PTPRG: variants seen among roughly 807,000 people sequenced by gnomAD.
The protein encoded by PTPRG is receptor-type tyrosine-protein phosphatase gamma.
PTPRG carries 102 observed loss-of-function variants against 165.3 expected under a neutral mutation model. That is an observed-to-expected ratio of 0.62 (90% CI 0.53 to 0.73). The LOEUF (loss-of-function observed/expected upper bound fraction) is 0.73. Among genes scored for constraint, PTPRG ranks in the 30% least tolerant of loss-of-function variants. The pLI is 0.00. For missense variants in PTPRG, 1,866 were observed against 1,861.4 expected, an observed-to-expected ratio of 1.00 and a Z score of -0.05; for synonymous variants, 675 against 669.5, an observed-to-expected ratio of 1.01 and a Z score of -0.13.
chr3:62,084,630 A>C (rs539575367), intron 5 of PTPRG, among the ~76,000 whole-genome samples: 29 of 152,312 alleles, frequency 1.9e-4, no homozygotes, highest in African/African-American at 6.7e-4. Flanking sequence ...ATAGACATTG[A>C]GAAGGCAGGA....
intron 6 of PTPRG, among the ~76,000 whole-genome samples, chr3:62,142,064 A>C (rs549138851): frequency 6.6e-6 from 1 of 150,802 alleles, no homozygotes; most frequent in Admixed American, 6.7e-5. Context: ...TGGCCCACTC[A>C]ACAATATGAG....
chr3:61,964,884 G>T (rs1288541535), intron 2 of PTPRG, among the ~76,000 whole-genome samples: 2 of 151,948 alleles, frequency 1.3e-5, no homozygotes, highest in African/African-American at 2.4e-5. Flanking sequence ...GTCTAGATTA[G>T]TATCTCTTTG....
intron 14 of PTPRG, among the ~76,000 whole-genome samples, chr3:62,236,085 G>A (rs761215855): frequency 1.3e-5 from 2 of 152,210 alleles, no homozygotes; most frequent in Non-Finnish European, 2.9e-5. Flanking sequence ...GATACTACAA[G>A]TGTAAACTGA....
intron 2 of PTPRG, among the ~76,000 whole-genome samples, chr3:61,958,234 C>G (rs2040077969): frequency 2.0e-5 from 3 of 152,074 alleles, no homozygotes; most frequent in African/African-American, 7.2e-5. Flanking sequence ...TCAAACGTTT[C>G]TCCTGTCTCA....
intron 2 of PTPRG, among the ~76,000 whole-genome samples, chr3:61,798,282 C>G (rs1477291411): frequency 2.0e-5 from 3 of 152,074 alleles, no homozygotes; most frequent in African/African-American, 7.2e-5. Flanking sequence ...GCTAAAATAC[C>G]AACTCAGCAT....
At chr3:61,668,532 C>T (rs535309993) in intron 1 of PTPRG, among the ~76,000 whole-genome samples, 9 of 152,206 alleles carry the variant, frequency 5.9e-5, no homozygotes, top group Admixed American at 3.3e-4. Flanking sequence ...GTGTGGGTGG[C>T]GCCTTATAAC....
chr3:62,145,539 AGATGATGAT>A (rs148115531), intron 6 of PTPRG, among the ~76,000 whole-genome samples: 4 of 151,956 alleles, frequency 2.6e-5, no homozygotes, highest in South Asian at 2.1e-4. Context: ...GAAATGATGA[AGATGATGAT>A]GATGATGATG....
intron 1 of PTPRG, among the ~76,000 whole-genome samples, chr3:61,585,341 A>G (rs979399964): frequency 1.4e-4 from 22 of 151,872 alleles, no homozygotes; most frequent in African/African-American, 5.3e-4. Context: ...TCATATAGGT[A>G]CGTGGAGGAA....
intron 5 of PTPRG, among the ~76,000 whole-genome samples, chr3:62,110,641 A>G (rs776056503): frequency 3.3e-5 from 5 of 152,188 alleles, no homozygotes; most frequent in African/African-American, 4.8e-5. Context: ...GGCAGCATAC[A>G]GTCCCATTAG....
chr3:61,670,199 T>C (rs562917671), intron 1 of PTPRG, among the ~76,000 whole-genome samples: 55 of 152,338 alleles, frequency 3.6e-4, no homozygotes, highest in South Asian at 1.5e-3. Context: ...TTGAATTGCA[T>C]TGGGACTCAG....
Position 61,665,374 on chromosome 3 carries a change from C to T in PTPRG, c.86-83504C>T, listed in dbSNP as rs189432447. ...CAATGATTTTTTTATAGCGATATGG[C>T]AATGTTTTATGGAGGCTCAGAGTTA... On this transcript the variant is annotated intron_variant, in intron 1 of 29. Coordinates refer to ENST00000474889, the MANE Select transcript of PTPRG (RefSeq NM_002841.4). 3.8e-3 allele frequency among the ~76,000 whole-genome samples: 576 copies of T among 151,774 alleles called. 5 individuals carry two copies. Among genetic ancestry groups the T allele is most frequent in the South Asian group, 0.013 (61 of 4,806 alleles).
At chr3:61,973,282 C>G (rs572535119) in intron 2 of PTPRG, among the ~76,000 whole-genome samples, 1 of 152,290 alleles carries the variant, frequency 6.6e-6, no homozygotes, top group Non-Finnish European at 1.5e-5. Context: ...CAACTAGGAT[C>G]CAGCTGTTTT....
At chr3:61,696,544 G>A (rs1456805896) in intron 1 of PTPRG, among the ~76,000 whole-genome samples, 2 of 152,188 alleles carry the variant, frequency 1.3e-5, no homozygotes, top group South Asian at 4.1e-4. Flanking sequence ...ATGCTTATTT[G>A]CAATGTGAGC....
In PTPRG at chr3:61,735,029, C is replaced by T. The variant is rs7636629; in HGVS notation, c.86-13849C>T. On this transcript the variant is annotated intron_variant, in intron 1 of 29. Coordinates refer to ENST00000474889, the MANE Select transcript of PTPRG (RefSeq NM_002841.4). ...AGCCAAAAAAGAGAAAGGAAACAAA[C>T]CCCACTTTTTTAATAGCTGCAGTTT... Among the ~76,000 whole-genome samples, 1,118 of 152,238 alleles carry T rather than the reference C, an allele frequency of 7.3e-3. 10 individuals are homozygous for T. Among genetic ancestry groups the T allele is most frequent in the African/African-American group, 0.025 (1,031 of 41,532 alleles).
chr3:61,821,660 GAA>G (rs969648656), intron 2 of PTPRG, among the ~76,000 whole-genome samples: 2 of 152,190 alleles, frequency 1.3e-5, no homozygotes, highest in African/African-American at 4.8e-5. Flanking sequence ...AGAGGCAAAA[GAA>G]GAGGGGAAAT....
chr3:61,706,803 T>A (rs1385194910), intron 1 of PTPRG, among the ~76,000 whole-genome samples: 1 of 152,100 alleles, frequency 6.6e-6, no homozygotes, highest in Non-Finnish European at 1.5e-5. Flanking sequence ...ATTATTATTA[T>A]TATTATTTTT....
At chr3:62,109,005 C>T (rs1171304419) in intron 5 of PTPRG, among the ~76,000 whole-genome samples, 2 of 151,904 alleles carry the variant, frequency 1.3e-5, no homozygotes, top group African/African-American at 4.8e-5. Context: ...GCCTGTTCAC[C>T]CTGATGATAG....
At chr3:62,054,147 C>T (rs537239866) in intron 4 of PTPRG, among the ~76,000 whole-genome samples, 1 of 152,250 alleles carries the variant, frequency 6.6e-6, no homozygotes, top group Non-Finnish European at 1.5e-5. Context: ...ACAATGATTG[C>T]TGCTGCTATT....
chr3:61,867,498 C>T (rs1047123611), intron 2 of PTPRG, among the ~76,000 whole-genome samples: 54 of 151,838 alleles, frequency 3.6e-4, no homozygotes, highest in African/African-American at 1.3e-3. Context: ...TGATTCATTG[C>T]TTTTTTTGAG....
Sources: gnomAD v4.1 joint callset for allele counts (sites outside exome capture counted in the v4.1 genomes callset) on GRCh38, gnomAD v4.1.1 for gene constraint, MANE v1.5 for transcripts, NCBI Gene and HGNC (gene_info 2026-07-23, HGNC 2026-07-21) for gene names.